Variants in TMEM260 observed in about 807,000 individuals in gnomAD.
TMEM260 encodes the protein protein O-mannosyl-transferase TMEM260.
Under a neutral mutation model 88.9 loss-of-function variants are expected in TMEM260, and 82 were observed. That is an observed-to-expected ratio of 0.92 (90% CI 0.77 to 1.11). The LOEUF is 1.11. Ranked by LOEUF, TMEM260 falls within the 50% of genes least tolerant of loss-of-function variation. The pLI, the probability that TMEM260 is intolerant of heterozygous loss-of-function variation, is 0.00. For synonymous variants in TMEM260, 314 were observed against 309.3 expected (o/e 1.02, Z -0.16); for missense variants, 902 against 853.4 (o/e 1.06, Z -0.71).
chr14:56,649,010 C>T lies in TMEM260; in HGVS notation c.*1513C>T, dbSNP rs1890127275. ...GGGCTTTGTTGGTTTTGGCATCACACAGGGGAAGCTCTTGCCCCTCCATTC... is the reference window on the plus strand; with the variant it reads ...GGGCTTTGTTGGTTTTGGCATCACATAGGGGAAGCTCTTGCCCCTCCATTC... On this transcript the variant is annotated 3_prime_UTR_variant, in exon 16 of 16. Coordinates refer to ENST00000261556, the MANE Select transcript of TMEM260 (RefSeq NM_017799.4). 1 of 152,668 alleles carries T rather than the reference C, an allele frequency of 6.6e-6. No homozygotes were observed. Among genetic ancestry groups the T allele is most frequent in the Non-Finnish European group, 1.5e-5 (1 of 68,088 alleles). 9.5% of individuals were successfully genotyped at this position (152,668 alleles called of 1,614,324 possible). A position where few individuals can be genotyped will look rare whatever the true frequency, so the allele number is the denominator to read the frequency against.
At chr14:56,594,898 T>C (rs1886110035) in intron 3 of TMEM260, among the ~76,000 whole-genome samples, 1 of 152,218 alleles carries the variant, frequency 6.6e-6, no homozygotes, top group Admixed American at 6.5e-5. Context: ...TATGTTGTAG[T>C]CTTTCCAGGG....
the TMEM260 span, among the ~76,000 whole-genome samples, chr14:56,657,911 TC>T: frequency 2.2e-4 from 34 of 152,296 alleles, no homozygotes; most frequent in African/African-American, 7.9e-4. Context: ...CTACCCTTTA[TC>T]CTTCTGCTGG....
In TMEM260 at chr14:56,645,634, A is replaced by C. The variant is rs576468165; in HGVS notation, c.1870-1609A>C. ...GTTGTGCACATGTACCCTAAAACTTAAAGTATAATAAAATTTTAAAAAATT... is the reference window on the plus strand; with the variant it reads ...GTTGTGCACATGTACCCTAAAACTTCAAGTATAATAAAATTTTAAAAAATT... On this transcript the variant is annotated intron_variant, in intron 15 of 15. Transcript: ENST00000261556. Among the ~76,000 whole-genome samples the C allele has an allele frequency of 4.0e-4, 30 of 74,384 alleles. No individual in the cohort carries two copies. In the South Asian group the frequency reaches 0.012, roughly 29 times the overall value. 48.8% of individuals were successfully genotyped at this position (74,384 alleles called of 152,430 possible). A position where few individuals can be genotyped will look rare whatever the true frequency, so the allele number is the denominator to read the frequency against.
chr14:56,640,670 A>G (rs916761917), intron 15 of TMEM260, among the ~76,000 whole-genome samples: 3 of 152,232 alleles, frequency 2.0e-5, no homozygotes, highest in African/African-American at 4.8e-5. Flanking sequence ...TTGAGAGAAG[A>G]AGGCTTCAGA....
At chr14:56,589,603 T>C (rs1016611426) in intron 3 of TMEM260, among the ~76,000 whole-genome samples, 1 of 152,082 alleles carries the variant, frequency 6.6e-6, no homozygotes, top group Admixed American at 6.5e-5. Context: ...ACCTAGAATA[T>C]AGGAATATTA....
At position 56,630,901 on chromosome 14, in the gene TMEM260, T is replaced by C. The variant is rs1888546764; in HGVS notation, c.1548-2094T>C. Among the ~76,000 whole-genome samples the C allele has an allele frequency of 2.0e-5, 3 of 152,164 alleles. 1 individual carries two copies. In the South Asian group the frequency reaches 6.2e-4, roughly 32 times the overall value. On this transcript the variant is annotated intron_variant, in intron 12 of 15. Transcript: ENST00000261556. ...TGCCTTCTGTGAACTGTGGTTGCAA[T>C]ACCGGTTCTGTTTCCAAAGCATTTG... is the stretch of plus-strand genomic sequence containing the variant.
At chr14:56,601,657 A>G (rs531749736) in intron 3 of TMEM260, among the ~76,000 whole-genome samples, 2 of 152,296 alleles carry the variant, frequency 1.3e-5, no homozygotes, top group East Asian at 1.9e-4. Context: ...TTCTTCTACA[A>G]TTATTAGTGA....
At chr14:56,626,014 A>G (rs150121602) in intron 12 of TMEM260, among the ~76,000 whole-genome samples, 33 of 152,346 alleles carry the variant, frequency 2.2e-4, no homozygotes, top group African/African-American at 7.9e-4. Flanking sequence ...AGAATTGTGA[A>G]TTCTATACTT....
At chr14:56,607,033 G>C (rs1412053027) in intron 5 of TMEM260, among the ~76,000 whole-genome samples, 1 of 152,156 alleles carries the variant, frequency 6.6e-6, no homozygotes, top group African/African-American at 2.4e-5. Context: ...AGCATAACAG[G>C]CAGTGTCTTT....
chr14:56,614,172 G>C (rs1458340228), intron 7 of TMEM260, among the ~76,000 whole-genome samples: 1 of 148,092 alleles, frequency 6.8e-6, no homozygotes, highest in African/African-American at 2.5e-5. Flanking sequence ...GCCTCCCAAA[G>C]TGCTGGGATT....
intron 1 of TMEM260, among the ~76,000 whole-genome samples, chr14:56,581,795 T>C (rs936366381): frequency 6.6e-6 from 1 of 152,210 alleles, no homozygotes; most frequent in Admixed American, 6.5e-5. Flanking sequence ...GAAAAGTATA[T>C]TGACTTCAGA....
At chr14:56,584,886 A>G in intron 1 of TMEM260, 115 bp from the exon 2 acceptor site, 1 of 757,722 alleles carries the variant, frequency 1.3e-6, no homozygotes, top group Non-Finnish European at 2.2e-6. Flanking sequence ...ACAGATTTAC[A>G]GTTTTATCCA....
intron 3 of TMEM260, among the ~76,000 whole-genome samples, chr14:56,594,359 A>G (rs1418576113): frequency 2.0e-5 from 3 of 152,314 alleles, no homozygotes; most frequent in Admixed American, 6.5e-5. Context: ...GGTTGAAGTA[A>G]TAATCAATTT....
chr14:56,630,282 A>C (rs890072682), intron 12 of TMEM260, among the ~76,000 whole-genome samples: 6 of 152,090 alleles, frequency 3.9e-5, no homozygotes, highest in Admixed American at 3.9e-4. Flanking sequence ...AACCTGTAAG[A>C]TTGTATCTTT....
At chr14:56,621,173 T>G (rs1887893224) in intron 10 of TMEM260, among the ~76,000 whole-genome samples, 1 of 152,194 alleles carries the variant, frequency 6.6e-6, no homozygotes, top group Middle Eastern at 3.2e-3. Context: ...GTAAATGGAA[T>G]GAACATAAAA....
chr14:56,609,101 T>C lies in TMEM260; in HGVS notation c.637-5T>C, dbSNP rs758951336. 2 of 1,613,918 alleles carry C rather than the reference T, an allele frequency of 1.2e-6. No homozygotes were observed. Among genetic ancestry groups the C allele is most frequent in the South Asian group, 2.2e-5 (2 of 91,038 alleles). On this transcript the variant is annotated splice_region_variant and splice_polypyrimidine_tract_variant and intron_variant, in intron 5 of 15. Coordinates refer to ENST00000261556, the MANE Select transcript of TMEM260 (RefSeq NM_017799.4). The stretch of plus-strand genomic sequence containing the variant: ...TGTTATACCACCCAATGTGCTCTGA[T>C]GCAGGAACTCTCCCTGGGCTCTTTG...
At chr14:56,645,101 C>G (rs1323880201) in intron 15 of TMEM260, among the ~76,000 whole-genome samples, 2 of 150,442 alleles carry the variant, frequency 1.3e-5, no homozygotes, top group Non-Finnish European at 3.0e-5. Flanking sequence ...CCTCAGGGAT[C>G]TAGAACTAGA....
In TMEM260 at chr14:56,585,861, GT is replaced by G; in HGVS notation, c.294del (p.Cys98TrpfsTer7). The G allele has an allele frequency of 6.2e-7, 1 of 1,613,472 alleles. No homozygotes were observed. The highest frequency in any genetic ancestry group is 8.5e-7 in the Non-Finnish European group (1 of 1,179,610). On this transcript the variant is annotated frameshift_variant, in exon 3 of 16. Transcript: ENST00000261556. LOFTEE classifies it high-confidence loss of function. Reference protein sequence around the residue: ...GSIAYRVNLLCGLFGAVAASL... With the variant: ...GSIAYRVNLLXGLFGAVAASL... ...ATTGCCTACCGCGTCAATCTTCTCT[GT>G]GGCTTATTTGGAGCAGTAGCTGCAT...
intron 4 of TMEM260, among the ~76,000 whole-genome samples, chr14:56,605,064 C>T (rs1886810465): frequency 6.6e-6 from 1 of 152,088 alleles, no homozygotes; most frequent in African/African-American, 2.4e-5. Flanking sequence ...AAGTCAGGAC[C>T]TAATTGGGAA....
Sources: allele counts gnomAD v4.1 joint callset (sites outside exome capture counted in the v4.1 genomes callset), GRCh38; gene constraint gnomAD v4.1.1; transcripts MANE v1.5; gene names NCBI Gene and HGNC (gene_info 2026-07-23, HGNC 2026-07-21).